The following SUN5 variants were observed in gnomAD, a reference collection of about 807,000 sequenced individuals.
SUN5 encodes the protein Sad1 and UNC84 domain containing 5, also known as SUN domain-containing protein 5.
Under a neutral mutation model 53.7 loss-of-function variants are expected in SUN5, and 44 were observed. The ratio of observed to expected loss-of-function variants is 0.82; its 90% confidence interval spans 0.64 to 1.05. The LOEUF is 1.05. Ranked by LOEUF, SUN5 falls within the 50% of genes least tolerant of loss-of-function variation. SUN5 has a pLI of 0.00. For synonymous variants in SUN5, 166 were observed against 179.8 expected, an observed-to-expected ratio of 0.92 and a Z score of 0.62; for missense variants, 433 against 483.8, an observed-to-expected ratio of 0.90 and a Z score of 0.98.
chr20:33,004,185 C>A (rs1990126255), intron 1 of SUN5, 79 bp downstream of exon 1: 1 of 1,421,926 alleles, frequency 7.0e-7, no homozygotes, highest in South Asian at 1.5e-5. Context: ...CAATGCCACT[C>A]ATCTCCAAGG....
chr20:32,985,936 G>T, intron 10 of SUN5, 33 bp from the exon 11 acceptor site: 2 of 1,596,852 alleles, frequency 1.3e-6, no homozygotes, highest in South Asian at 1.1e-5. Context: ...GGGATATGCT[G>T]GGTGGGTAGG....
intron 5 of SUN5, among the ~76,000 whole-genome samples, chr20:32,998,398 G>A (rs1051128112): frequency 3.9e-5 from 6 of 152,070 alleles, no homozygotes; most frequent in Non-Finnish European, 8.8e-5. Flanking sequence ...AACCCGGGAG[G>A]CAGAGGTTGC....
intron 4 of SUN5, 97 bp downstream of exon 4, chr20:33,001,115 C>A: frequency 7.2e-7 from 1 of 1,385,110 alleles, no homozygotes; most frequent in Non-Finnish European, 1.0e-6. Context: ...TCTGGTCTGG[C>A]TACCAAGGGG....
rs1391446941 is a variant in SUN5 at position 32,985,890 on chromosome 20, G to A, written c.743C>T (p.Pro248Leu). 2.5e-6 allele frequency: 4 copies of A among 1,613,810 alleles called. No individual in the cohort carries two copies. Among genetic ancestry groups the A allele is most frequent in the Admixed American group, 1.7e-5 (1 of 59,984 alleles). The change falls in exon 11 of 13, where the codon CCT (proline) becomes CTT (leucine). Residue 248 changes from proline (P) to leucine (L), a missense_variant. Coordinates refer to ENST00000356173, the MANE Select transcript of SUN5 (RefSeq NM_080675.4). ...ACCCTCAAAGGCCCAGCAATTGCCA[G>A]GTGTCACGTTGGGCTAGAAGAGGCA... ...PDVILEPNVT[P>L]GNCWAFEGDR...
chr20:33,002,745 T>C (rs1209693966), intron 2 of SUN5, 84 bp from the exon 3 acceptor site: 2 of 1,600,602 alleles, frequency 1.2e-6, no homozygotes, highest in Non-Finnish European at 1.7e-6. Context: ...CAGAGCTTGG[T>C]GCGAACATCC....
rs1243506667 is a variant in SUN5, at chr20:32,985,623, A to T, written c.897+113T>A. On this transcript the variant is annotated intron_variant, in intron 11 of 12. Transcript: ENST00000356173. ...TTCCAGCCTTAACCAAGCTGCATTC[A>T]GCCCCTCCAGCCTGCAAGTGTTGTG... 1.4e-5 allele frequency: 19 copies of T among 1,345,632 alleles called. No individual in the cohort carries two copies. The Admixed American group carries it at 3.5e-4, about 25-fold the overall frequency. The allele number at this position is 1,345,632 out of a possible 1,614,324, so 83.4% of individuals were successfully genotyped here.
intron 4 of SUN5, among the ~76,000 whole-genome samples, chr20:33,000,843 TAAAAA>T (rs538864856): frequency 2.8e-5 from 3 of 107,286 alleles, no homozygotes; most frequent in African/African-American, 9.7e-5. Context: ...AAACCCTGTC[TAAAAA>T]AAAAAAAAAA....
At chr20:32,985,982 G>T in intron 10 of SUN5, 79 bp from the exon 11 acceptor site, 1 of 1,484,428 alleles carries the variant, frequency 6.7e-7, no homozygotes. Flanking sequence ...GTACTTCCTG[G>T]GACCTCCTGG....
intron 11 of SUN5, among the ~76,000 whole-genome samples, chr20:32,985,462 G>T (rs548246290): frequency 6.6e-6 from 1 of 151,922 alleles, no homozygotes; most frequent in African/African-American, 2.4e-5. Flanking sequence ...TTCAGATAAC[G>T]CTTCGGACCT....
intron 8 of SUN5, among the ~76,000 whole-genome samples, chr20:32,994,420 C>A (rs977419311): frequency 1.3e-5 from 2 of 151,940 alleles, no homozygotes; most frequent in Admixed American, 6.6e-5. Flanking sequence ...AGAGGGAGGC[C>A]ACAGATGATC....
At chr20:32,998,564 C>T (rs971196268) in intron 5 of SUN5, among the ~76,000 whole-genome samples, 3 of 152,168 alleles carry the variant, frequency 2.0e-5, no homozygotes, top group Non-Finnish European at 2.9e-5. Flanking sequence ...AAACTCCTCA[C>T]CATGATAAAG....
intron 8 of SUN5, among the ~76,000 whole-genome samples, chr20:32,993,626 G>A (rs1176891838): frequency 6.6e-6 from 1 of 152,178 alleles, no homozygotes; most frequent in Non-Finnish European, 1.5e-5. Context: ...TATCTTCACA[G>A]TGCTTAGGAA....
At chr20:32,989,542 C>T in intron 9 of SUN5, 78 bp downstream of exon 9, 1 of 1,283,636 alleles carries the variant, frequency 7.8e-7, no homozygotes, top group Non-Finnish European at 1.1e-6. Flanking sequence ...GAGTACCACA[C>T]CAGAACTGAA....
At chr20:32,986,182 CTCATTCATTCAT>C in intron 10 of SUN5, among the ~76,000 whole-genome samples, 2 of 151,880 alleles carry the variant, frequency 1.3e-5, no homozygotes, top group Non-Finnish European at 2.9e-5. Context: ...TACTCACTCA[CTCATTCATTCAT>C]TCACTCATTC....
chr20:33,003,050 T>C, intron 1 of SUN5, 131 bp from the exon 2 acceptor site: 1 of 1,037,196 alleles, frequency 9.6e-7, no homozygotes, highest in Non-Finnish European at 1.4e-6. Flanking sequence ...CAGCCTGTGA[T>C]TCAGGGACAG....
chr20:33,001,364 G>T, intron 3 of SUN5, 86 bp from the exon 4 acceptor site: 1 of 1,459,206 alleles, frequency 6.9e-7, no homozygotes, highest in African/African-American at 1.4e-5. Context: ...TGGGGCTGGG[G>T]GAGGCCCTGG....
At chr20:32,993,871 C>A (rs546558842) in intron 8 of SUN5, among the ~76,000 whole-genome samples, 1 of 152,176 alleles carries the variant, frequency 6.6e-6, no homozygotes, top group Non-Finnish European at 1.5e-5. Flanking sequence ...GGCCGTGGGC[C>A]GTACTTTGAG....
intron 3 of SUN5, among the ~76,000 whole-genome samples, chr20:33,001,622 T>G (rs6059009): frequency 1.4e-5 from 2 of 145,976 alleles, no homozygotes; most frequent in Non-Finnish European, 3.0e-5. Flanking sequence ...TTCTTTCTTT[T>G]TCTTTTCTTT....
At position 33,002,644 on chromosome 20, in the gene SUN5, G is replaced by A. The variant is rs1250944596; in HGVS notation, c.154C>T (p.Pro52Ser). The change falls in exon 3 of 13, where the codon CCT (proline) becomes TCT (serine). Residue 52 changes from proline (P) to serine (S), a missense_variant. Pro to Ser is a moderately conservative substitution (Grantham distance 74). Transcript: ENST00000356173. The part of the protein sequence containing the change: ...SPNMNDNILL[P>S]VRNNDQALGL... ...AGGGCTTGGTCATTGTTGCGGACAGGCAACAGGATGTTGTCATCTGCAGAG... is the reference window on the plus strand; with the variant it reads ...AGGGCTTGGTCATTGTTGCGGACAGACAACAGGATGTTGTCATCTGCAGAG... 6.2e-7 allele frequency: 1 copy of A among 1,614,230 alleles called. No individual in the cohort carries two copies. Among genetic ancestry groups the A allele is most frequent in the East Asian group, 2.2e-5 (1 of 44,888 alleles).
Sources: gnomAD v4.1 joint callset for allele counts (sites outside exome capture counted in the v4.1 genomes callset) on GRCh38, gnomAD v4.1.1 for gene constraint, MANE v1.5 for transcripts, NCBI Gene and HGNC (gene_info 2026-07-23, HGNC 2026-07-21) for gene names.